Variants in PPP2R2C observed in about 807,000 individuals in gnomAD.
The protein encoded by PPP2R2C is protein phosphatase 2 regulatory subunit Bgamma, also known as protein phosphatase 2, regulatory subunit B, gamma.
A neutral mutation model predicts 45.3 loss-of-function variants in PPP2R2C; 10 were observed. The observed-to-expected ratio is 0.22, with a 90% CI of 0.14 to 0.37. The LOEUF (loss-of-function observed/expected upper bound fraction) is 0.37. PPP2R2C is among the 10% of genes least tolerant of loss of function. The pLI, the probability that PPP2R2C is intolerant of heterozygous loss-of-function variation, is 1.00. For synonymous variants in PPP2R2C, 257 were observed against 245.4 expected, an observed-to-expected ratio of 1.05 and a Z score of -0.44; for missense variants, 308 against 619.7, an observed-to-expected ratio of 0.50 and a Z score of 5.34.
chr4:6,350,401 G>A (rs1388331613), intron 5 of PPP2R2C: 2 of 985,432 alleles, frequency 2.0e-6, no homozygotes, highest in East Asian at 2.3e-4. Flanking sequence ...ACGGCCCATG[G>A]ATAATGTGCA....
At chr4:6,357,287 G>A (rs1220045870) in intron 5 of PPP2R2C, among the ~76,000 whole-genome samples, 2 of 152,254 alleles carry the variant, frequency 1.3e-5, no homozygotes, top group East Asian at 3.8e-4. Flanking sequence ...AGGGGCCCGG[G>A]GACCTGGCAG....
chr4:6,457,139 C>A (rs1721080658), intron 1 of PPP2R2C, among the ~76,000 whole-genome samples: 1 of 136,874 alleles, frequency 7.3e-6, no homozygotes, highest in Non-Finnish European at 1.5e-5. Context: ...AACCAGGAGA[C>A]AGAAGTTGCA....
At chr4:6,505,657 A>G (rs1189770817) in intron 2 of PPP2R2C, among the ~76,000 whole-genome samples, 1 of 152,248 alleles carries the variant, frequency 6.6e-6, no homozygotes, top group Non-Finnish European at 1.5e-5. Flanking sequence ...ATAAATTAAA[A>G]TGCAATTTTT....
chr4:6,381,259 C>T (rs1399556727), intron 1 of PPP2R2C, 165 bp from the exon 2 acceptor site: 1 of 1,533,694 alleles, frequency 6.5e-7, no homozygotes, highest in Admixed American at 2.0e-5. Context: ...GGCGAGGGGC[C>T]ACCAACCTGT....
chr4:6,344,856 A>T (rs887868733), intron 6 of PPP2R2C, among the ~76,000 whole-genome samples: 7 of 152,116 alleles, frequency 4.6e-5, no homozygotes, highest in African/African-American at 1.7e-4. Context: ...ACATGACCGA[A>T]CAATATTCTA....
intron 5 of PPP2R2C, chr4:6,349,681 T>A: frequency 1.2e-6 from 1 of 817,716 alleles, no homozygotes; most frequent in South Asian, 5.6e-5. Context: ...TCTACTAAAA[T>A]ACAAAAAGAA....
At chr4:6,535,644 C>T (rs995828195) in intron 1 of PPP2R2C, among the ~76,000 whole-genome samples, 2 of 152,236 alleles carry the variant, frequency 1.3e-5, no homozygotes, top group South Asian at 2.1e-4. Context: ...TGGGGTTACT[C>T]CTCCCCATCT....
intron 1 of PPP2R2C, among the ~76,000 whole-genome samples, chr4:6,545,273 G>C (rs1044904647): frequency 6.6e-6 from 1 of 152,176 alleles, no homozygotes; most frequent in Non-Finnish European, 1.5e-5. Flanking sequence ...ACAACAAAAT[G>C]ACTGAAATCG....
At position 6,456,898 on chromosome 4, in the gene PPP2R2C, G is replaced by T. The variant is rs56766685; in HGVS notation, c.70+15262C>A. Among the ~76,000 whole-genome samples, 261 of 152,312 alleles carry T rather than the reference G, an allele frequency of 1.7e-3. 3 individuals are homozygous for T. Among genetic ancestry groups the T allele is most frequent in the African/African-American group, 5.7e-3 (239 of 41,574 alleles). On this transcript the variant is annotated intron_variant, in intron 1 of 8. Coordinates refer to ENST00000382599, the MANE Select transcript of PPP2R2C (RefSeq NM_020416.4). ...AGTGCAGGCAGTCCTTGCTGTACGG[G>T]TGGTGTGGATCCATAAAAATGAGCA...
chr4:6,429,730 G>A (rs535885676), intron 1 of PPP2R2C, among the ~76,000 whole-genome samples: 2 of 152,174 alleles, frequency 1.3e-5, no homozygotes, highest in Non-Finnish European at 2.9e-5. Context: ...AAGCTTTATT[G>A]TATGCTAACA....
At chr4:6,388,345 A>T (rs945953375) in intron 1 of PPP2R2C, among the ~76,000 whole-genome samples, 4 of 152,334 alleles carry the variant, frequency 2.6e-5, no homozygotes, top group African/African-American at 9.6e-5. Context: ...AGAGCCAGAG[A>T]TGGGCAAAGA....
intron 1 of PPP2R2C, among the ~76,000 whole-genome samples, chr4:6,386,404 C>G (rs970178553): frequency 6.6e-6 from 1 of 152,214 alleles, no homozygotes; most frequent in African/African-American, 2.4e-5. Flanking sequence ...CAAGACAGAT[C>G]CCCAGAGGGG....
At chr4:6,542,057 C>T (rs1283115453) in intron 1 of PPP2R2C, among the ~76,000 whole-genome samples, 1 of 152,234 alleles carries the variant, frequency 6.6e-6, no homozygotes, top group Non-Finnish European at 1.5e-5. Flanking sequence ...CACTCGTGAT[C>T]ACAATGAAAG....
chr4:6,406,639 C>A (rs1249660368), intron 1 of PPP2R2C, among the ~76,000 whole-genome samples: 1 of 152,068 alleles, frequency 6.6e-6, no homozygotes, highest in African/African-American at 2.4e-5. Context: ...CACCTGTAAT[C>A]TCAGCTACTC....
intron 1 of PPP2R2C, among the ~76,000 whole-genome samples, chr4:6,431,963 G>T (rs905225769): frequency 6.6e-6 from 1 of 152,094 alleles, no homozygotes; most frequent in African/African-American, 2.4e-5. Flanking sequence ...TTCATAGATG[G>T]CCATCTTCTC....
At chr4:6,369,999 A>T (rs1714668833) in intron 5 of PPP2R2C, among the ~76,000 whole-genome samples, 1 of 152,202 alleles carries the variant, frequency 6.6e-6, no homozygotes, top group South Asian at 2.1e-4. Flanking sequence ...GTTCTTTAGA[A>T]AGGGTTTCGG....
intron 5 of PPP2R2C, among the ~76,000 whole-genome samples, chr4:6,348,270 C>G (rs1323801472): frequency 1.3e-5 from 2 of 151,832 alleles, no homozygotes; most frequent in African/African-American, 4.8e-5. Context: ...CTGCGGCCCC[C>G]CTCACCTGCA....
chr4:6,563,711 G>T (rs1230403726), upstream of PPP2R2C: 2 of 136,886 alleles, frequency 1.5e-5, no homozygotes, highest in Admixed American at 7.1e-5. This position sits in a 1 kb window ranked among gnomAD's most constrained non-coding sequence, Gnocchi z 5.8. Flanking sequence ...GGGGCGGGGG[G>T]CGGGGGCGCG....
At chr4:6,496,809 C>T (rs901409345) in intron 2 of PPP2R2C, among the ~76,000 whole-genome samples, 4 of 151,618 alleles carry the variant, frequency 2.6e-5, no homozygotes, top group South Asian at 2.1e-4. Context: ...TGCAGTGAGC[C>T]GAGATTGCGC....
Sources: gnomAD v4.1 joint callset for allele counts (sites outside exome capture counted in the v4.1 genomes callset) on GRCh38, gnomAD v4.1.1 for gene constraint, Gnocchi (gnomAD v3.1) non-coding constraint, MANE v1.5 for transcripts, NCBI Gene and HGNC (gene_info 2026-07-23, HGNC 2026-07-21) for gene names.